SORCS3: variants seen among roughly 807,000 people sequenced by gnomAD.
SORCS3 encodes sortilin related VPS10 domain containing receptor 3.
A neutral mutation model predicts 146.3 loss-of-function variants in SORCS3; 57 were observed. That is an observed-to-expected ratio of 0.39 (90% CI 0.31 to 0.49). The LOEUF is 0.49. SORCS3 is among the 20% of genes least tolerant of loss of function. The pLI, the probability that SORCS3 is intolerant of heterozygous loss-of-function variation, is 0.92. For synonymous variants in SORCS3, 653 were observed against 618.5 expected (o/e 1.06, Z -0.83); for missense variants, 1,341 against 1,575.5 (o/e 0.85, Z 2.52).
At chr10:105,075,987 A>G (rs912904675) in intron 5 of SORCS3, among the ~76,000 whole-genome samples, 1 of 152,224 alleles carries the variant, frequency 6.6e-6, no homozygotes, top group Non-Finnish European at 1.5e-5. Flanking sequence ...CACTTTCTAC[A>G]TAATCAGGAA....
In SORCS3 at chr10:104,981,132, G is replaced by C. The variant is rs1402484240; in HGVS notation, c.954+3639G>C. 2.0e-5 allele frequency among the ~76,000 whole-genome samples: 3 copies of C among 152,210 alleles called. No individual in the cohort carries two copies. In the East Asian group the frequency reaches 5.8e-4, roughly 29 times the overall value. ...TCTACTAAAGTCCTTTCTGATTTCT[G>C]GTCAGCTTAATTTGGGCATTTGATC... On this transcript the variant is annotated intron_variant, in intron 4 of 26. Coordinates refer to ENST00000369701, the MANE Select transcript of SORCS3 (RefSeq NM_014978.3).
At chr10:105,152,184 G>T (rs2056172542) in intron 9 of SORCS3, among the ~76,000 whole-genome samples, 1 of 152,088 alleles carries the variant, frequency 6.6e-6, no homozygotes, top group Admixed American at 6.6e-5. Context: ...TGGATATTTT[G>T]CATCTAACTT....
chr10:104,678,911 A>G (rs2015941631), intron 1 of SORCS3, among the ~76,000 whole-genome samples: 1 of 152,212 alleles, frequency 6.6e-6, no homozygotes, highest in Non-Finnish European at 1.5e-5. Flanking sequence ...ACAGGGAAGG[A>G]TACTGGCACC....
At chr10:104,754,518 G>A (rs911110653) in intron 1 of SORCS3, among the ~76,000 whole-genome samples, 2 of 152,198 alleles carry the variant, frequency 1.3e-5, no homozygotes, top group South Asian at 2.1e-4. Context: ...CAGAATAGGG[G>A]GGGAAAAACT....
intron 1 of SORCS3, among the ~76,000 whole-genome samples, chr10:104,727,806 A>T: frequency 6.6e-6 from 1 of 152,034 alleles, no homozygotes; most frequent in East Asian, 1.9e-4. Flanking sequence ...GCATTAGATT[A>T]TTATAGGAGC....
intron 20 of SORCS3, among the ~76,000 whole-genome samples, chr10:105,234,431 T>C (rs770263006): frequency 9.2e-5 from 14 of 152,104 alleles, no homozygotes; most frequent in Non-Finnish European, 1.6e-4. Context: ...CTGACATTAC[T>C]TTGCTATGAT....
Position 105,036,471 on chromosome 10 carries a change from G to A in SORCS3, c.955-6584G>A, listed in dbSNP as rs571020955. On this transcript the variant is annotated intron_variant, in intron 4 of 26. Coordinates refer to ENST00000369701, the MANE Select transcript of SORCS3 (RefSeq NM_014978.3). ...CACATGCTGGGTGCTTAATTAATAT[G>A]AAACCAGCTGGGAGCAGTGGCTCAC... is the stretch of plus-strand genomic sequence containing the variant. 1.8e-4 allele frequency among the ~76,000 whole-genome samples: 28 copies of A among 152,226 alleles called. No homozygotes were observed. In the East Asian group the frequency reaches 3.1e-3, roughly 17 times the overall value.
At chr10:105,139,231 G>C (rs1200295698) in intron 7 of SORCS3, among the ~76,000 whole-genome samples, 166 bp from the exon 8 acceptor site, 2 of 152,194 alleles carry the variant, frequency 1.3e-5, no homozygotes, top group Non-Finnish European at 2.9e-5. Flanking sequence ...TGTGCAGTGG[G>C]AGCAACTCAG....
intron 5 of SORCS3, among the ~76,000 whole-genome samples, chr10:105,058,486 A>G (rs1481448280): frequency 6.6e-6 from 1 of 152,222 alleles, no homozygotes; most frequent in Non-Finnish European, 1.5e-5. Flanking sequence ...GAAATTTAGA[A>G]CATGAGTTAC....
chr10:105,151,707 A>G (rs2119478924), intron 9 of SORCS3, among the ~76,000 whole-genome samples: 1 of 151,920 alleles, frequency 6.6e-6, no homozygotes, highest in East Asian at 1.9e-4. Flanking sequence ...AATGGAGATC[A>G]ACCCCACTGA....
chr10:104,974,514 C>T (rs1392556328), intron 3 of SORCS3, among the ~76,000 whole-genome samples: 1 of 152,128 alleles, frequency 6.6e-6, no homozygotes, highest in African/African-American at 2.4e-5. Context: ...ACTAGGATTG[C>T]AACCCCTGCC....
chr10:105,263,147 A>G (rs1168576190), intron 26 of SORCS3, among the ~76,000 whole-genome samples, 163 bp from the exon 27 acceptor site: 1 of 152,226 alleles, frequency 6.6e-6, no homozygotes, highest in Admixed American at 6.5e-5. Flanking sequence ...CATGGATGAC[A>G]TAAGTCAGTG....
At chr10:105,205,721 C>T (rs1259556194) in intron 16 of SORCS3, among the ~76,000 whole-genome samples, 1 of 152,168 alleles carries the variant, frequency 6.6e-6, no homozygotes, top group Non-Finnish European at 1.5e-5. Flanking sequence ...TCTAACTTCT[C>T]ACTCGACAAA....
chr10:105,004,579 C>G (rs1362169966), intron 4 of SORCS3, among the ~76,000 whole-genome samples: 1 of 152,148 alleles, frequency 6.6e-6, no homozygotes, highest in Non-Finnish European at 1.5e-5. Context: ...CTCTCCTCTT[C>G]TTAACTACCA....
chr10:104,745,275 C>T (rs143846806), intron 1 of SORCS3, among the ~76,000 whole-genome samples: 28 of 152,246 alleles, frequency 1.8e-4, no homozygotes, highest in Middle Eastern at 3.4e-3. Flanking sequence ...CTGTTTTCTA[C>T]TGTCACATCT....
intron 1 of SORCS3, among the ~76,000 whole-genome samples, chr10:104,807,504 G>A (rs544708325): frequency 6.8e-6 from 1 of 146,694 alleles, no homozygotes; most frequent in South Asian, 2.3e-4. Context: ...GTAAAAAATA[G>A]AGGTTACTAA....
intron 3 of SORCS3, among the ~76,000 whole-genome samples, chr10:104,974,591 C>G (rs1202328806): frequency 1.3e-5 from 2 of 152,138 alleles, no homozygotes; most frequent in African/African-American, 4.8e-5. Context: ...ACGTGTGTCT[C>G]TACACGTGAG....
At chr10:104,691,243 C>T (rs1182465099) in intron 1 of SORCS3, among the ~76,000 whole-genome samples, 2 of 152,156 alleles carry the variant, frequency 1.3e-5, no homozygotes, top group Non-Finnish European at 2.9e-5. Flanking sequence ...CAGACCAGTC[C>T]ACTGCATTAG....
intron 1 of SORCS3, chr10:104,822,121 A>G (rs771225777): frequency 1.2e-5 from 6 of 518,130 alleles, no homozygotes; most frequent in Admixed American, 5.8e-5. Context: ...TTATTTCTCT[A>G]GATCAGGAAT....
Sources: gnomAD v4.1 joint callset for allele counts (sites outside exome capture counted in the v4.1 genomes callset) on GRCh38, gnomAD v4.1.1 for gene constraint, MANE v1.5 for transcripts, NCBI Gene and HGNC (gene_info 2026-07-23, HGNC 2026-07-21) for gene names.